The following PGM5 variants were observed in gnomAD, a reference collection of about 807,000 sequenced individuals.
PGM5 encodes phosphoglucomutase-like protein 5.
Under a neutral mutation model 59.2 loss-of-function variants are expected in PGM5, and 23 were observed. That is an observed-to-expected ratio of 0.39 (90% CI 0.28 to 0.55). PGM5 has a LOEUF of 0.55. Among genes scored for constraint, PGM5 ranks in the 20% least tolerant of loss-of-function variants. PGM5 has a pLI of 0.66. For synonymous variants in PGM5, 214 were observed against 286.0 expected (o/e 0.75, Z 2.54); for missense variants, 574 against 748.3 (o/e 0.77, Z 2.72).
intron 4 of PGM5, among the ~76,000 whole-genome samples, chr9:68,387,841 AT>A (rs2132006084): frequency 6.6e-6 from 1 of 152,050 alleles, no homozygotes; most frequent in South Asian, 2.1e-4. Flanking sequence ...ACTGTTATTT[AT>A]TTGATCATAT....
chr9:68,523,628 A>T (rs1275696986), intron 10 of PGM5, among the ~76,000 whole-genome samples: 1 of 152,204 alleles, frequency 6.6e-6, no homozygotes, highest in African/African-American at 2.4e-5. Flanking sequence ...TATTTTATGG[A>T]TGCCAGAATG....
intron 6 of PGM5, among the ~76,000 whole-genome samples, chr9:68,399,929 C>T (rs1183068883): frequency 1.3e-5 from 2 of 151,962 alleles, no homozygotes; most frequent in Non-Finnish European, 2.9e-5. Context: ...AAATAATAAA[C>T]CTTGGAATAA....
intron 7 of PGM5, among the ~76,000 whole-genome samples, chr9:68,479,002 A>G (rs902388077): frequency 6.6e-6 from 1 of 152,026 alleles, no homozygotes; most frequent in Admixed American, 6.6e-5. Context: ...TCTCTTATCT[A>G]CTTTTCTTTG....
rs1834472858 is a variant in PGM5, at chr9:68,357,293, G to T, written c.166G>T (p.Asp56Tyr). ...QSVLSSIDLR[D>Y]RQGCTMVVGS... is the part of the protein sequence containing the mutation. ...CGTGCTGTCGTCCATCGACCTGCGC[G>T]ACCGTCAGGGCTGCACCATGGTGGT... The change falls in exon 1 of 11, where the codon GAC (aspartate) becomes TAC (tyrosine). Residue 56 changes from aspartate (D) to tyrosine (Y), a missense_variant. Asp to Tyr is a radical substitution (Grantham distance 160). Around this residue, in one of 7 missense-constraint regions of PGM5, gnomAD observed 61 missense variants for 133.3 expected, o/e 0.46. Transcript: ENST00000396396. 1 of 1,545,986 alleles carries T rather than the reference G, an allele frequency of 6.5e-7. No homozygotes were observed. Among genetic ancestry groups the T allele is most frequent in the Non-Finnish European group, 8.7e-7 (1 of 1,146,768 alleles).
At chr9:68,395,714 T>C (rs1418254226) in intron 6 of PGM5, 2 of 152,194 alleles carry the variant, frequency 1.3e-5, no homozygotes, top group Non-Finnish European at 2.9e-5. Flanking sequence ...GAATGTTTTA[T>C]GAATTTAATT....
rs781946999 is a variant in PGM5 at position 68,387,455 on chromosome 9, A to G, written c.572-8A>G. ...CAATGACATTTTCCTTTGTTTTTCT[A>G]TCTTTAGTGGAGATAGTGGACCCAG... On this transcript the variant is annotated splice_polypyrimidine_tract_variant and splice_region_variant and intron_variant, in intron 3 of 10. Coordinates refer to ENST00000396396, the MANE Select transcript of PGM5 (RefSeq NM_021965.4). The G allele has an allele frequency of 3.1e-6, 5 of 1,606,914 alleles. No homozygotes were observed. Among genetic ancestry groups the G allele is most frequent in the Admixed American group, 3.4e-5 (2 of 59,660 alleles).
In PGM5 at chr9:68,479,499, T is replaced by C; in HGVS notation, c.1241T>C (p.Val414Ala). 1 of 1,613,600 alleles carries C rather than the reference T, an allele frequency of 6.2e-7. No homozygotes were observed. ...ATTATTGCTGCCCGGAAGCAGAGTG[T>C]GGAGGAAATTGTCCGAGATCACTGG... The part of the protein sequence containing the change: ...LSIIAARKQS[V>A]EEIVRDHWAK... Residue 414 changes from valine to alanine, a missense_variant, in exon 8 of 11, where the codon GTG becomes GCG. Physicochemically the swap from Val to Ala is moderately conservative, Grantham distance 64 (BLOSUM62 0). Around this residue, in one of 7 missense-constraint regions of PGM5, gnomAD observed 300 missense variants for 280.0 expected, o/e 1.07. Transcript: ENST00000396396.
chr9:68,515,766 A>G (rs1554689669), intron 10 of PGM5, among the ~76,000 whole-genome samples: 1 of 152,234 alleles, frequency 6.6e-6, no homozygotes, highest in Non-Finnish European at 1.5e-5. Flanking sequence ...AAAAGATAAC[A>G]TGAACTTTAT....
At chr9:68,421,055 G>C (rs1253388468) in intron 6 of PGM5, among the ~76,000 whole-genome samples, 1 of 152,222 alleles carries the variant, frequency 6.6e-6, no homozygotes, top group African/African-American at 2.4e-5. Context: ...AATAATGTGT[G>C]ATGAGTATAT....
chr9:68,429,543 C>A (rs1398893135), intron 6 of PGM5, among the ~76,000 whole-genome samples: 2 of 152,192 alleles, frequency 1.3e-5, no homozygotes, highest in Non-Finnish European at 2.9e-5. Context: ...ACTCTTACAG[C>A]CTTCAAAAGA....
At chr9:68,443,479 G>C (rs1823562103) in intron 6 of PGM5, among the ~76,000 whole-genome samples, 1 of 152,174 alleles carries the variant, frequency 6.6e-6, no homozygotes, top group African/African-American at 2.4e-5. Flanking sequence ...ACAGAACACA[G>C]CAAAAAGTCA....
chr9:68,376,793 C>CTTTG (rs1204015214), intron 1 of PGM5, among the ~76,000 whole-genome samples: 1 of 105,686 alleles, frequency 9.5e-6, no homozygotes, highest in Admixed American at 1.0e-4. Context: ...TTCTTTCTTT[C>CTTTG]TTTCTTTCTT....
intron 7 of PGM5, among the ~76,000 whole-genome samples, chr9:68,477,176 G>A (rs1029070410): frequency 4.6e-5 from 7 of 152,190 alleles, no homozygotes; most frequent in African/African-American, 1.4e-4. Context: ...TAATGCCCAG[G>A]GTCCTGTTAA....
intron 2 of PGM5, among the ~76,000 whole-genome samples, chr9:68,383,421 T>C (rs1398053263): frequency 6.6e-6 from 1 of 151,106 alleles, no homozygotes; most frequent in Non-Finnish European, 1.5e-5. Context: ...CTACTAACTC[T>C]TCAAAATTTG....
In PGM5 at chr9:68,408,756, G is replaced by A. The variant is rs554758914; in HGVS notation, c.1043+16283G>A. ...CATCTTGAATTGATTTTTGTATAAG[G>A]TGTAAGGAAGGGATCCAGTTTCAGC... On this transcript the variant is annotated intron_variant, in intron 6 of 10. Coordinates refer to ENST00000396396, the MANE Select transcript of PGM5 (RefSeq NM_021965.4). Among the ~76,000 whole-genome samples, 1,358 of 152,230 alleles carry A rather than the reference G, an allele frequency of 8.9e-3. 19 individuals carry two copies. The highest frequency in any genetic ancestry group is 0.032 in the African/African-American group (1,316 of 41,528).
Position 68,362,942 on chromosome 9 carries a change from C to A in PGM5, c.261+5554C>A, listed in dbSNP as rs377016818. 5.6e-5 allele frequency among the ~76,000 whole-genome samples: 8 copies of A among 142,728 alleles called. No individual in the cohort carries two copies. The East Asian group carries it at 1.1e-3, about 19-fold the overall frequency. 93.6% of individuals were successfully genotyped at this position (142,728 alleles called of 152,430 possible). A position where few individuals can be genotyped will look rare whatever the true frequency, so the allele number is the denominator to read the frequency against. The stretch of plus-strand genomic sequence containing the variant: ...AGAGTGCAGTGGCACAATCTTGGCT[C>A]ACTAGAACTTCCGCCTCCTGGGTTC... On this transcript the variant is annotated intron_variant, in intron 1 of 10. Coordinates refer to ENST00000396396, the MANE Select transcript of PGM5 (RefSeq NM_021965.4).
chr9:68,500,477 G>C (rs542762142), intron 10 of PGM5, among the ~76,000 whole-genome samples: 1 of 151,896 alleles, frequency 6.6e-6, no homozygotes, highest in Non-Finnish European at 1.5e-5. Context: ...CTATTCTCAG[G>C]GTTACCAAGA....
intron 10 of PGM5, among the ~76,000 whole-genome samples, chr9:68,508,665 G>T (rs541045633): frequency 1.3e-5 from 2 of 152,326 alleles, no homozygotes; most frequent in South Asian, 2.1e-4. Flanking sequence ...GAATGAATTT[G>T]CAGCGGTCAC....
At chr9:68,435,699 T>G (rs1554683324) in intron 6 of PGM5, among the ~76,000 whole-genome samples, 1 of 152,258 alleles carries the variant, frequency 6.6e-6, no homozygotes, top group African/African-American at 2.4e-5. Flanking sequence ...TTATATTTTT[T>G]GTCTATTATG....
Sources: allele counts gnomAD v4.1 joint callset (sites outside exome capture counted in the v4.1 genomes callset), GRCh38; gene constraint gnomAD v4.1.1; regional missense constraint gnomAD v4.1.1; transcripts MANE v1.5; gene names NCBI Gene and HGNC (gene_info 2026-07-23, HGNC 2026-07-21).